The following STRBP variants were observed in gnomAD, a reference collection of about 807,000 sequenced individuals.
STRBP encodes spermatid perinuclear RNA-binding protein.
In STRBP, 13 loss-of-function variants were observed where a neutral mutation model predicts 80.1. That is an observed-to-expected ratio of 0.16 (90% CI 0.11 to 0.26). The LOEUF is 0.26. Ranked by LOEUF, STRBP falls within the 10% of genes least tolerant of loss-of-function variation. The probability of loss-of-function intolerance (pLI) is 1.00; values close to 1 mark genes in which losing one functional copy is unlikely to be tolerated. For synonymous variants in STRBP, 284 were observed against 291.2 expected (o/e 0.98, Z 0.25); for missense variants, 485 against 815.2 (o/e 0.59, Z 4.93).
chr9:123,145,279 T>C, intron 13 of STRBP, among the ~76,000 whole-genome samples: 1 of 152,136 alleles, frequency 6.6e-6, no homozygotes, highest in Non-Finnish European at 1.5e-5. Context: ...GAATAAAACA[T>C]AATATTGGGA....
chr9:123,151,386 T>G (rs999037992), intron 11 of STRBP, among the ~76,000 whole-genome samples: 1 of 151,684 alleles, frequency 6.6e-6, no homozygotes, highest in Non-Finnish European at 1.5e-5. Context: ...ATTATGACCC[T>G]CAACTGCAGA....
intron 2 of STRBP, among the ~76,000 whole-genome samples, chr9:123,199,599 C>T (rs145049924): frequency 2.0e-4 from 31 of 152,232 alleles, no homozygotes; most frequent in African/African-American, 7.0e-4. Context: ...CTTTCACCTC[C>T]TTGGTTAGGT....
intron 2 of STRBP, chr9:123,213,672 T>C (rs2039790023): frequency 6.6e-6 from 1 of 152,238 alleles, no homozygotes; most frequent in Admixed American, 6.5e-5. Context: ...ATACCTGTAA[T>C]TCCAGCACTT....
chr9:123,131,064 AG>A (rs749629052), intron 17 of STRBP, among the ~76,000 whole-genome samples: 2 of 152,318 alleles, frequency 1.3e-5, no homozygotes, highest in South Asian at 4.1e-4. Context: ...CAGTGAACTT[AG>A]GATACCCATC....
At chr9:123,251,907 C>A (rs573452747) in intron 1 of STRBP, among the ~76,000 whole-genome samples, 14 of 152,262 alleles carry the variant, frequency 9.2e-5, no homozygotes, top group Middle Eastern at 3.4e-3. Context: ...CTTGGGCATT[C>A]GGCCAGCTGA....
chr9:123,164,891 C>T (rs910141352), intron 6 of STRBP, among the ~76,000 whole-genome samples: 2 of 152,148 alleles, frequency 1.3e-5, no homozygotes, highest in African/African-American at 2.4e-5. Flanking sequence ...TAAGGTAGAA[C>T]AGAGAAAGCA....
At chr9:123,129,351 T>C (rs1351610260) in intron 17 of STRBP, among the ~76,000 whole-genome samples, 1 of 152,130 alleles carries the variant, frequency 6.6e-6, no homozygotes, top group East Asian at 1.9e-4. Flanking sequence ...AGAGAGATCA[T>C]GTCTCAATAA....
At chr9:123,134,161 A>C (rs1278943250) in intron 16 of STRBP, among the ~76,000 whole-genome samples, 1 of 152,218 alleles carries the variant, frequency 6.6e-6, no homozygotes. Flanking sequence ...GTCTAGTTTC[A>C]AATTGAATAT....
At chr9:123,227,071 A>G (rs553180345) in intron 2 of STRBP, among the ~76,000 whole-genome samples, 1 of 152,266 alleles carries the variant, frequency 6.6e-6, no homozygotes, top group East Asian at 1.9e-4. Flanking sequence ...AACACCTCCT[A>G]CTAGGTCTCA....
chr9:123,246,460 G>A (rs1197933283), intron 1 of STRBP, among the ~76,000 whole-genome samples: 1 of 152,088 alleles, frequency 6.6e-6, no homozygotes, highest in Non-Finnish European at 1.5e-5. Context: ...CTTTAACAGT[G>A]CCTGTTACAT....
intron 1 of STRBP, among the ~76,000 whole-genome samples, chr9:123,248,994 TG>T (rs2040858764): frequency 6.6e-6 from 1 of 152,130 alleles, no homozygotes; most frequent in Non-Finnish European, 1.5e-5. Context: ...TTTCAAAATT[TG>T]GCAGCTCTTT....
chr9:123,204,535 T>G (rs147536127), intron 2 of STRBP, among the ~76,000 whole-genome samples: 1,539 of 152,254 alleles, frequency 0.01, 13 homozygotes, highest in Middle Eastern at 0.02. Context: ...AAGGGAGTAA[T>G]AGAGGTCATC....
intron 2 of STRBP, among the ~76,000 whole-genome samples, chr9:123,208,274 A>G (rs1484298524): frequency 6.6e-6 from 1 of 152,186 alleles, no homozygotes; most frequent in Non-Finnish European, 1.5e-5. Context: ...CTGCCCCAAA[A>G]CATTCTAATT....
At chr9:123,219,768 T>A (rs2040011939) in intron 2 of STRBP, among the ~76,000 whole-genome samples, 1 of 152,374 alleles carries the variant, frequency 6.6e-6, no homozygotes, top group Middle Eastern at 3.4e-3. Context: ...TTTATTCTCA[T>A]CTGTACTAAC....
In STRBP at chr9:123,181,027, T is replaced by A. The variant is rs149456878; in HGVS notation, c.4-1800A>T. On this transcript the variant is annotated intron_variant, in intron 3 of 18. Coordinates refer to ENST00000348403, the MANE Select transcript of STRBP (RefSeq NM_018387.5). ...GGATAACAGTAAATTAACACTATAG[T>A]GTCACTGTCCTCTATAAAGCAAAGA... The A allele has an allele frequency of 8.3e-5, 53 of 635,074 alleles. No individual in the cohort carries two copies. The African/African-American group carries it at 9.7e-4, about 12-fold the overall frequency. The allele number at this position is 635,074 out of a possible 1,614,324, so 39.3% of individuals were successfully genotyped here. A position where few individuals can be genotyped will look rare whatever the true frequency, so the allele number is the denominator to read the frequency against.
chr9:123,204,515 T>C (rs1564296460), intron 2 of STRBP, among the ~76,000 whole-genome samples: 1 of 152,236 alleles, frequency 6.6e-6, no homozygotes, highest in Non-Finnish European at 1.5e-5. Flanking sequence ...ATTTATTTTC[T>C]TCTAACTAAA....
At chr9:123,142,357 T>A (rs1020342547) in intron 13 of STRBP, among the ~76,000 whole-genome samples, 3 of 152,144 alleles carry the variant, frequency 2.0e-5, no homozygotes, top group Admixed American at 6.5e-5. Flanking sequence ...CCTTCCACCA[T>A]GATTAAAAGT....
At position 123,124,677 on chromosome 9, in the gene STRBP, C is replaced by A. The variant is rs2035828977; in HGVS notation, c.*920G>T. ...GCCAGGGAGTGAACACAATATCTTA[C>A]AGAGTGAAGAAGGCCACAAGAACAA... On this transcript the variant is annotated 3_prime_UTR_variant, in exon 19 of 19. Transcript: ENST00000348403. 1.0e-6 allele frequency: 1 copy of A among 985,054 alleles called. No homozygotes were observed. The highest frequency in any genetic ancestry group is 1.7e-5 in the African/African-American group (1 of 57,188). 61.0% of individuals were successfully genotyped at this position (985,054 alleles called of 1,614,324 possible).
At chr9:123,225,661 T>G in intron 2 of STRBP, among the ~76,000 whole-genome samples, 1 of 152,200 alleles carries the variant, frequency 6.6e-6, no homozygotes, top group East Asian at 1.9e-4. Flanking sequence ...CTACAGTGTC[T>G]AGCACCCCCT....
Sources: gnomAD v4.1 joint callset for allele counts (sites outside exome capture counted in the v4.1 genomes callset) on GRCh38, gnomAD v4.1.1 for gene constraint, MANE v1.5 for transcripts, NCBI Gene and HGNC (gene_info 2026-07-23, HGNC 2026-07-21) for gene names.